CCDC102B: variants seen among roughly 807,000 people sequenced by gnomAD.
CCDC102B encodes the protein coiled-coil domain-containing protein 102B.
In CCDC102B, 75 loss-of-function variants were observed where a neutral mutation model predicts 57.4. The ratio of observed to expected loss-of-function variants is 1.31; its 90% CI spans 1.08 to 1.58. CCDC102B has a LOEUF of 1.58. Ranked by LOEUF, CCDC102B falls within the 40% of genes most tolerant of loss-of-function variation. CCDC102B has a pLI of 0.00. For synonymous variants in CCDC102B, 206 were observed against 201.9 expected (o/e 1.02, Z -0.17); for missense variants, 636 against 582.6 (o/e 1.09, Z -0.94).
At chr18:68,842,484 T>A (rs1396172936) in intron 3 of CCDC102B, among the ~76,000 whole-genome samples, 1 of 152,152 alleles carries the variant, frequency 6.6e-6, no homozygotes, top group East Asian at 1.9e-4. Flanking sequence ...CCAGTAAGTC[T>A]CTACCAGGGT....
intron 3 of CCDC102B, among the ~76,000 whole-genome samples, chr18:68,839,680 G>T (rs1265478371): frequency 6.6e-6 from 1 of 152,120 alleles, no homozygotes. Flanking sequence ...CTCATATCTG[G>T]CAGTCCATCT....
At chr18:68,821,431 C>G (rs1427312443) in intron 1 of CCDC102B, among the ~76,000 whole-genome samples, 3 of 151,110 alleles carry the variant, frequency 2.0e-5, no homozygotes, top group Non-Finnish European at 3.0e-5. Flanking sequence ...TTTGGATGCA[C>G]TATACAATCT....
chr18:68,796,588 C>T (rs1255964811), upstream of CCDC102B, among the ~76,000 whole-genome samples: 6 of 151,892 alleles, frequency 4.0e-5, no homozygotes, highest in Non-Finnish European at 8.8e-5. Context: ...GAGAATATAC[C>T]ATTTATATGT....
intron 6 of CCDC102B, among the ~76,000 whole-genome samples, chr18:68,968,522 T>A (rs994060570): frequency 1.3e-5 from 2 of 152,180 alleles, no homozygotes; most frequent in African/African-American, 4.8e-5. Flanking sequence ...TTTATCACCT[T>A]CGAAAGGTGT....
At chr18:68,856,351 C>A (rs1044011754) in intron 4 of CCDC102B, among the ~76,000 whole-genome samples, 1 of 152,132 alleles carries the variant, frequency 6.6e-6, no homozygotes, top group Non-Finnish European at 1.5e-5. Context: ...AGTGCAGTGG[C>A]ACAATCCTAG....
intron 6 of CCDC102B, among the ~76,000 whole-genome samples, chr18:68,917,974 G>A (rs1435859928): frequency 1.3e-5 from 2 of 151,200 alleles, no homozygotes; most frequent in Admixed American, 1.3e-4. Context: ...CCAAAATAAT[G>A]CACACATACA....
At chr18:68,809,548 T>C (rs552680163) in intron 1 of CCDC102B, among the ~76,000 whole-genome samples, 12 of 151,802 alleles carry the variant, frequency 7.9e-5, no homozygotes, top group Middle Eastern at 3.4e-3. Flanking sequence ...CTAAATAACT[T>C]GTAACAAATG....
At chr18:68,892,550 C>G (rs1254197218) in intron 5 of CCDC102B, among the ~76,000 whole-genome samples, 1 of 152,164 alleles carries the variant, frequency 6.6e-6, no homozygotes, top group Non-Finnish European at 1.5e-5. Context: ...AGGTTTGCAG[C>G]TACCAGTGAT....
intron 5 of CCDC102B, among the ~76,000 whole-genome samples, chr18:68,882,328 AG>A (rs1041546299): frequency 3.3e-5 from 5 of 152,224 alleles, no homozygotes; most frequent in African/African-American, 1.2e-4. Flanking sequence ...CCTTCTCCTA[AG>A]GAAGTCTTTG....
At chr18:68,832,817 C>T (rs2037203290) in intron 1 of CCDC102B, among the ~76,000 whole-genome samples, 1 of 151,936 alleles carries the variant, frequency 6.6e-6, no homozygotes, top group Admixed American at 6.6e-5. Context: ...AAACAGGTTG[C>T]ACCAAGGAGA....
At chr18:68,876,305 A>G (rs1392757562) in intron 5 of CCDC102B, among the ~76,000 whole-genome samples, 4 of 152,166 alleles carry the variant, frequency 2.6e-5, no homozygotes, top group African/African-American at 4.8e-5. Flanking sequence ...AACAGCCTTC[A>G]GTGAGGGGTA....
intron 2 of CCDC102B, among the ~76,000 whole-genome samples, chr18:68,738,992 C>CTTTTTTT (rs2033264249): frequency 8.1e-6 from 1 of 124,148 alleles, no homozygotes; most frequent in African/African-American, 3.5e-5. Context: ...AGATGAGCAG[C>CTTTTTTT]CTTTTGTTTT....
chr18:68,752,254 T>C (rs749422509), intron 2 of CCDC102B, among the ~76,000 whole-genome samples: 9 of 151,840 alleles, frequency 5.9e-5, no homozygotes, highest in Non-Finnish European at 1.3e-4. Context: ...AGCGAGACTC[T>C]GTCTCAAAAA....
intron 7 of CCDC102B, among the ~76,000 whole-genome samples, chr18:69,048,027 C>A (rs1229494848): frequency 6.6e-6 from 1 of 151,984 alleles, no homozygotes; most frequent in Non-Finnish European, 1.5e-5. Flanking sequence ...TCTAATAATA[C>A]CTGTAAGTTA....
At chr18:68,805,388 C>T (rs1158103837) in intron 1 of CCDC102B, among the ~76,000 whole-genome samples, 1 of 152,114 alleles carries the variant, frequency 6.6e-6, no homozygotes, top group Non-Finnish European at 1.5e-5. Context: ...TGTGTTTTCT[C>T]AAAGCCTGAT....
chr18:69,045,709 C>T (rs1022754048), intron 7 of CCDC102B, among the ~76,000 whole-genome samples: 2 of 152,026 alleles, frequency 1.3e-5, no homozygotes, highest in African/African-American at 4.8e-5. Flanking sequence ...AGATAATAAG[C>T]ATAGCACCCA....
At chr18:68,998,686 A>C (rs2051104583) in intron 6 of CCDC102B, among the ~76,000 whole-genome samples, 1 of 151,620 alleles carries the variant, frequency 6.6e-6, no homozygotes, top group South Asian at 2.1e-4. Context: ...GGAGTCCAAA[A>C]GCTTTCAAGG....
At chr18:68,775,501 T>A (rs951030707) in intron 2 of CCDC102B, among the ~76,000 whole-genome samples, 2 of 152,102 alleles carry the variant, frequency 1.3e-5, no homozygotes, top group African/African-American at 4.8e-5. Context: ...TCTCTATATT[T>A]CTTATACATG....
chr18:69,056,001 G>C (rs1044719993), downstream of CCDC102B, among the ~76,000 whole-genome samples: 1 of 151,966 alleles, frequency 6.6e-6, no homozygotes, highest in Admixed American at 6.6e-5. Context: ...ACCCCTTCCA[G>C]GGTTGCTATG....
Sources: allele counts gnomAD v4.1 joint callset (sites outside exome capture counted in the v4.1 genomes callset), GRCh38; gene constraint gnomAD v4.1.1; transcripts MANE v1.5; gene names NCBI Gene and HGNC (gene_info 2026-07-23, HGNC 2026-07-21).